TTN: variants seen among roughly 807,000 people sequenced by gnomAD.
TTN encodes the protein connectin.
TTN carries 1,525 observed loss-of-function variants against 3,223.0 expected under a neutral mutation model. The ratio of observed to expected loss-of-function variants is 0.47; its 90% CI spans 0.45 to 0.49. TTN has a LOEUF of 0.49. TTN is among the 20% of genes least tolerant of loss of function. The pLI, the probability that TTN is intolerant of heterozygous loss-of-function variation, is 0.00. For synonymous variants in TTN, 14,094 were observed against 15,161.0 expected (o/e 0.93, Z 5.17); for missense variants, 40,786 against 43,424.0 (o/e 0.94, Z 5.40).
intron 240 of TTN, among the ~76,000 whole-genome samples, chr2:178,627,484 A>G (rs886203332): frequency 6.6e-6 from 1 of 152,024 alleles, no homozygotes. Context: ...GTTTATATTT[A>G]AGTTCTTTTT....
Position 178,733,086 on chromosome 2 carries a change from G to A in TTN, c.16090C>T (p.Arg5364Cys), listed in dbSNP as rs886044310. ...DIAPFFTKPL[R>C]NVDSVVNGTC... ...CCATTAACAACACTATCCACGTTGCGCAAGGGTTTGGTAAAAAATGGAGCA... is the reference window on the plus strand; with the variant it reads ...CCATTAACAACACTATCCACGTTGCACAAGGGTTTGGTAAAAAATGGAGCA... Residue 5364 changes from arginine (R) to cysteine (C), a missense_variant, in exon 55 of 363, where the codon CGC becomes TGC. Coordinates refer to ENST00000589042, the MANE Select transcript of TTN (RefSeq NM_001267550.2). 33 of 1,602,884 alleles carry A rather than the reference G, an allele frequency of 2.1e-5. No individual in the cohort carries two copies. Among genetic ancestry groups the A allele is most frequent in the East Asian group, 2.2e-5 (1 of 44,632 alleles).
intron 47 of TTN, chr2:178,748,055 T>G (rs750633516): frequency 6.2e-7 from 1 of 1,613,036 alleles, no homozygotes; most frequent in Non-Finnish European, 8.5e-7. Context: ...GCATTCTTCT[T>G]CCATTTCACC....
Position 178,566,436 on chromosome 2 carries a change from G to T in TTN, c.79696C>A (p.Leu26566Ile). Residue 26566 changes from leucine to isoleucine, a missense_variant, in exon 326 of 363, where the codon CTC (leucine) becomes ATC (isoleucine). Transcript: ENST00000589042. ...HQEYKIRVCA[L>I]NKVGLGEATS... Reference sequence around the variant, plus strand: ...GCCTCACCTAAACCAACTTTGTTGAGGGCACAGACTCGTATTTTATACTCT... The same window carrying T: ...GCCTCACCTAAACCAACTTTGTTGATGGCACAGACTCGTATTTTATACTCT... The T allele has an allele frequency of 1.2e-6, 2 of 1,613,396 alleles. No individual in the cohort carries two copies. Among genetic ancestry groups the T allele is most frequent in the Non-Finnish European group, 8.5e-7 (1 of 1,179,682 alleles).
rs138192315 is a variant in TTN, at chr2:178,683,301, A to T, written c.32807-10T>A. 4.9e-4 allele frequency: 711 copies of T among 1,465,152 alleles called. 9 individuals are homozygous for T. In the East Asian group the frequency reaches 0.012, roughly 25 times the overall value. 90.8% of individuals were successfully genotyped at this position (1,465,152 alleles called of 1,614,324 possible). A position where few individuals can be genotyped will look rare whatever the true frequency, so the allele number is the denominator to read the frequency against. The stretch of plus-strand genomic sequence containing the variant: ...TTTCTGAATTCAGTCACTTTAAAGG[A>T]GTAATTATTAAAAGTGAATTGCAAG... On this transcript the variant is annotated splice_polypyrimidine_tract_variant and intron_variant, in intron 133 of 362. Coordinates refer to ENST00000589042, the MANE Select transcript of TTN (RefSeq NM_001267550.2).
chr2:178,692,650 A>C, intron 119 of TTN, 70 bp from the exon 120 acceptor site: 1 of 1,178,818 alleles, frequency 8.5e-7, no homozygotes, highest in Non-Finnish European at 1.2e-6. Flanking sequence ...TAAGACTTAG[A>C]ATTAAATAGA....
chr2:178,675,936 C>A lies in TTN; in HGVS notation c.34438G>T (p.Ala11480Ser), dbSNP rs767925374. The A allele has an allele frequency of 4.4e-6, 7 of 1,607,682 alleles. No homozygotes were observed. The highest frequency in any genetic ancestry group is 5.9e-6 in the Non-Finnish European group (7 of 1,176,690). ...ATAGCAATACCTTTGGCAGGGGGAG[C>A]CTCCTCTTTCTTGGGAATGACCACT... ...KKVVIPKKEE[A>S]PPAKVSVVPK... Residue 11480 changes from alanine to serine, a missense_variant, in exon 148 of 363, where the codon GCT becomes TCT. Ala to Ser is a moderately conservative substitution (Grantham distance 99). Transcript: ENST00000589042.
intron 250 of TTN, chr2:178,619,198 C>T: frequency 2.8e-6 from 1 of 359,848 alleles, no homozygotes; most frequent in South Asian, 3.4e-5. Flanking sequence ...ATCAGAGAAA[C>T]TTTTTTCTTA....
At position 178,526,948 on chromosome 2, in the gene TTN, T is replaced by G. The variant is rs915038110; in HGVS notation, c.*64A>C. 39 of 1,399,440 alleles carry G rather than the reference T, an allele frequency of 2.8e-5. 1 individual carries two copies. The highest frequency in any genetic ancestry group is 5.1e-5 in the Admixed American group (2 of 39,548). The allele number at this position is 1,399,440 out of a possible 1,614,324, so 86.7% of individuals were successfully genotyped here. A position where few individuals can be genotyped will look rare whatever the true frequency, so the allele number is the denominator to read the frequency against. On this transcript the variant is annotated 3_prime_UTR_variant, in exon 363 of 363. Coordinates refer to ENST00000589042, the MANE Select transcript of TTN (RefSeq NM_001267550.2). Reference sequence around the variant, plus strand: ...TTAAATATTTACAGTTCAGAAAGATTAGTCCGTGTGAAACGTTTGCGAAAA... The same window carrying G: ...TTAAATATTTACAGTTCAGAAAGATGAGTCCGTGTGAAACGTTTGCGAAAA...
intron 7 of TTN, 135 bp from the exon 8 acceptor site, chr2:178,794,686 C>T (rs1176565466): frequency 1.7e-6 from 2 of 1,157,934 alleles, no homozygotes; most frequent in African/African-American, 1.5e-5. Flanking sequence ...CCAAGAAATA[C>T]AGAGACTGTA....
At position 178,739,732 on chromosome 2, in the gene TTN, T is replaced by C. The variant is rs750320283; in HGVS notation, c.13501A>G (p.Thr4501Ala). 1 of 1,613,956 alleles carries C rather than the reference T, an allele frequency of 6.2e-7. No homozygotes were observed. The highest frequency in any genetic ancestry group is 1.3e-5 in the African/African-American group (1 of 75,054). Residue 4501 changes from threonine (T) to alanine (A), a missense_variant, in exon 48 of 363, where the codon ACA becomes GCA. Coordinates refer to ENST00000589042, the MANE Select transcript of TTN (RefSeq NM_001267550.2). ...GAATCCATTTCTTCTTGCAAACTTG[T>C]TTTGGCTCCTTGCTGAATTCTAGGA... ...EGPRIQQGAK[T>A]SLQEEMDSFS...
chr2:178,730,530 T>C lies in TTN; in HGVS notation c.18003A>G (p.Gln6001=), dbSNP rs142833401. The C allele has an allele frequency of 2.5e-6, 4 of 1,611,660 alleles. No homozygotes were observed. The highest frequency in any genetic ancestry group is 3.3e-4 in the Middle Eastern group (2 of 6,070). Residue 6001 remains glutamine, a synonymous_variant, in exon 61 of 363, where the codon CAA becomes CAG. Transcript: ENST00000589042. ...CTTTGACTGTCAGATGCCCACTGCA[T>C]TGGTTGTGCCCTGCCTTATTTGTGG... is the stretch of plus-strand genomic sequence containing the variant. ...CSATNKAGHN[Q]CSGHLTVKEP...
chr2:178,550,233 A>G lies in TTN; in HGVS notation c.91605T>C (p.Gly30535=). The G allele has an allele frequency of 6.2e-7, 1 of 1,613,388 alleles. No homozygotes were observed. The highest frequency in any genetic ancestry group is 2.2e-5 in the East Asian group (1 of 44,858). ...GGCTCTCTCCGGACTTAATAATGAG[A>G]CCATCAAAGTATTCAGGGCCAAACT... ...IVEFGPEYFD[G]LIIKSGESLR... The change falls in exon 337 of 363, where the codon GGT becomes GGC. Residue 30535 remains glycine, a synonymous_variant. Coordinates refer to ENST00000589042, the MANE Select transcript of TTN (RefSeq NM_001267550.2).
chr2:178,571,271 A>G lies in TTN; in HGVS notation c.74861T>C (p.Leu24954Pro). 1 of 1,613,480 alleles carries G rather than the reference A, an allele frequency of 6.2e-7. No individual in the cohort carries two copies. Among genetic ancestry groups the G allele is most frequent in the Non-Finnish European group, 8.5e-7 (1 of 1,179,614 alleles). ...AGGTGTTTTATTCAACTTAACCCAG[A>G]GGATGCTATTTCTTTCCTTGCGTTC... ...HLERKERNSILWVKLNKTPIP... is the reference protein window; with the variant it reads ...HLERKERNSIPWVKLNKTPIP... Residue 24954 changes from leucine (L) to proline (P), a missense_variant, in exon 326 of 363, where the codon CTC (leucine) becomes CCC (proline). Coordinates refer to ENST00000589042, the MANE Select transcript of TTN (RefSeq NM_001267550.2).
At chr2:178,640,341 A>G (rs549344579) in intron 221 of TTN, among the ~76,000 whole-genome samples, 200 bp downstream of exon 221, 24 of 151,896 alleles carry the variant, frequency 1.6e-4, no homozygotes, top group South Asian at 8.3e-4. Context: ...CATAAATACA[A>G]TTTTTTTTCA....
At position 178,734,565 on chromosome 2, in the gene TTN, C is replaced by T. The variant is rs751652571; in HGVS notation, c.15259G>A (p.Val5087Met). Residue 5087 changes from valine (V) to methionine (M), a missense_variant, in exon 52 of 363, where the codon GTG (valine) becomes ATG (methionine). By Grantham distance (21) the Val-to-Met change is conservative. Transcript: ENST00000589042. The stretch of plus-strand genomic sequence containing the variant: ...TGAAGTAGAGCATTTGTTCCTCTCA[C>T]TATGTCTGCAGGCTCAAGAGTTTTG... ...FIKTLEPADI[V>M]RGTNALLQCE... The T allele has an allele frequency of 4.4e-6, 7 of 1,595,536 alleles. No homozygotes were observed. The South Asian group carries it at 6.8e-5, about 16-fold the overall frequency.
At position 178,561,960 on chromosome 2, in the gene TTN, G is replaced by A; in HGVS notation, c.84172C>T (p.Pro28058Ser). 1 of 1,613,052 alleles carries A rather than the reference G, an allele frequency of 6.2e-7. No homozygotes were observed. The highest frequency in any genetic ancestry group is 8.5e-7 in the Non-Finnish European group (1 of 1,179,318). ...ITIIVLDRPG[P>S]PGPIRIDEVS... ...TCATCAATACGTATAGGACCTGGAG[G>A]TCCTGGTCTGTCAAGGACAATTATA... The change falls in exon 326 of 363, where the codon CCT (proline) becomes TCT (serine). Residue 28058 changes from proline (P) to serine (S), a missense_variant. Pro to Ser is a moderately conservative substitution (Grantham distance 74). Transcript: ENST00000589042.
chr2:178,651,472 T>A lies in TTN; in HGVS notation c.39528A>T (p.Pro13176=), dbSNP rs375103546. 1.9e-6 allele frequency: 3 copies of A among 1,611,890 alleles called. No homozygotes were observed. Among genetic ancestry groups the A allele is most frequent in the African/African-American group, 1.3e-5 (1 of 74,836 alleles). ...ATATACCTTTAGCAGGTGGGGCTTC[T>A]GGCTTTTTGGGAACCACCAGAGGCA... is the stretch of plus-strand genomic sequence containing the variant. ...KKVPLVVPKK[P]EAPPAKVPEV... is the part of the protein sequence containing the mutation. Residue 13176 remains proline (P), a synonymous_variant, in exon 207 of 363, where the codon CCA becomes CCT. Coordinates refer to ENST00000589042, the MANE Select transcript of TTN (RefSeq NM_001267550.2).
rs1447527169 is a variant in TTN, at chr2:178,776,376, C to T, written c.5488G>A (p.Gly1830Ser). 1 of 1,613,180 alleles carries T rather than the reference C, an allele frequency of 6.2e-7. No homozygotes were observed. Among genetic ancestry groups the T allele is most frequent in the Non-Finnish European group, 8.5e-7 (1 of 1,179,972 alleles). ...TTTTCTTTCTGATCTGTTGTTACACCTGTAAGTGCACCTTCATGAGCCATT... is the reference window on the plus strand; with the variant it reads ...TTTTCTTTCTGATCTGTTGTTACACTTGTAAGTGCACCTTCATGAGCCATT... The part of the protein sequence containing the change: ...ERMAHEGALT[G>S]VTTDQKEKQK... Residue 1830 changes from glycine to serine, a missense_variant, in exon 28 of 363, where the codon GGT becomes AGT. Coordinates refer to ENST00000589042, the MANE Select transcript of TTN (RefSeq NM_001267550.2).
chr2:178,777,412 C>G lies in TTN; in HGVS notation c.4645+8G>C. 6.2e-7 allele frequency: 1 copy of G among 1,612,798 alleles called. No individual in the cohort carries two copies. Reference sequence around the variant, plus strand: ...AAATTCATTTATTTTTATTTTATCTCATTTTACCTTCCACAGTTAAAATCA... The same window carrying G: ...AAATTCATTTATTTTTATTTTATCTGATTTTACCTTCCACAGTTAAAATCA... On this transcript the variant is annotated splice_region_variant and intron_variant, in intron 26 of 362. Coordinates refer to ENST00000589042, the MANE Select transcript of TTN (RefSeq NM_001267550.2).
Sources: gnomAD v4.1 joint callset for allele counts (sites outside exome capture counted in the v4.1 genomes callset) on GRCh38, gnomAD v4.1.1 for gene constraint, MANE v1.5 for transcripts, NCBI Gene and HGNC (gene_info 2026-07-23, HGNC 2026-07-21) for gene names.